The following TAFA2 variants were observed in gnomAD, a reference collection of about 807,000 sequenced individuals.
TAFA2 encodes the protein TAFA chemokine like family member 2.
Under a neutral mutation model 18.8 loss-of-function variants are expected in TAFA2, and 7 were observed. That is an observed-to-expected ratio of 0.37 (90% confidence interval 0.21 to 0.70). The LOEUF (loss-of-function observed/expected upper bound fraction) is 0.70. TAFA2 is among the 30% of genes least tolerant of loss of function. The probability of loss-of-function intolerance (pLI) is 0.53; values close to 1 mark genes in which losing one functional copy is unlikely to be tolerated. For synonymous variants in TAFA2, 60 were observed against 54.2 expected, an observed-to-expected ratio of 1.11 and a Z score of -0.47; for missense variants, 122 against 158.1, an observed-to-expected ratio of 0.77 and a Z score of 1.23.
chr12:61,766,920 C>T (rs1168632787), intron 2 of TAFA2, among the ~76,000 whole-genome samples: 1 of 152,008 alleles, frequency 6.6e-6, no homozygotes, highest in Non-Finnish European at 1.5e-5. Context: ...GAGAGATAAA[C>T]CCTGGATGGG....
At chr12:61,751,767 C>A (rs1869026431) in intron 4 of TAFA2, among the ~76,000 whole-genome samples, 1 of 152,088 alleles carries the variant, frequency 6.6e-6, no homozygotes. Flanking sequence ...TGTTTCATTA[C>A]ATTTGGAAGA....
chr12:61,804,407 T>A (rs2120982342), intron 2 of TAFA2, among the ~76,000 whole-genome samples: 1 of 152,134 alleles, frequency 6.6e-6, no homozygotes, highest in Admixed American at 6.5e-5. Context: ...CAAGGAGACT[T>A]GAATTAGCTC....
intron 4 of TAFA2, among the ~76,000 whole-genome samples, chr12:61,724,964 T>G (rs1870091449): frequency 6.6e-6 from 1 of 151,972 alleles, no homozygotes; most frequent in African/African-American, 2.4e-5. Context: ...TTTCACCACA[T>G]CCATACCAAT....
intron 1 of TAFA2, among the ~76,000 whole-genome samples, chr12:62,058,195 T>C (rs970661393): frequency 1.3e-5 from 2 of 152,220 alleles, no homozygotes; most frequent in Non-Finnish European, 2.9e-5. Flanking sequence ...CTGTCTTTAC[T>C]GTGGAGCTGA....
At position 62,065,739 on chromosome 12, in the gene TAFA2, T is replaced by G. The variant is rs536669849; in HGVS notation, c.-2+125520A>C. Among the ~76,000 whole-genome samples the G allele has an allele frequency of 3.3e-5, 5 of 150,452 alleles. No homozygotes were observed. In the East Asian group the frequency reaches 1.0e-3, roughly 30 times the overall value. Reference sequence around the variant, plus strand: ...TGTGTTGTGTGTGTGTGTTTACTGATTAGTAGGGGTAGAACTAAAACTGAG... The same window carrying G: ...TGTGTTGTGTGTGTGTGTTTACTGAGTAGTAGGGGTAGAACTAAAACTGAG... On this transcript the variant is annotated intron_variant, in intron 1 of 4. Coordinates refer to ENST00000416284, the MANE Select transcript of TAFA2 (RefSeq NM_178539.5).
At position 61,857,192 on chromosome 12, in the gene TAFA2, TAA is replaced by T. The variant is rs201906407; in HGVS notation, c.106+10126_106+10127del. 9.6e-3 allele frequency among the ~76,000 whole-genome samples: 1,303 copies of T among 135,230 alleles called. 11 individuals carry two copies. The highest frequency in any genetic ancestry group is 0.031 in the African/African-American group (1,223 of 39,944). The allele number at this position is 135,230 out of a possible 152,430, so 88.7% of individuals were successfully genotyped here. The stretch of plus-strand genomic sequence containing the variant: ...ATGTAACCAAGCTTTAAGAGTTATA[TAA>T]GAGTCTCAAATTAATAATAGAAACA... On this transcript the variant is annotated intron_variant, in intron 2 of 4. Transcript: ENST00000416284.
At chr12:61,998,265 TCA>T (rs1286652361) in intron 1 of TAFA2, among the ~76,000 whole-genome samples, 7 of 152,180 alleles carry the variant, frequency 4.6e-5, no homozygotes, top group Admixed American at 2.6e-4. Flanking sequence ...AATTACATCT[TCA>T]CAGATTTCTT....
In TAFA2 at chr12:62,041,194, A is replaced by G. The variant is rs150313793; in HGVS notation, c.-2+150065T>C. Among the ~76,000 whole-genome samples the G allele has an allele frequency of 6.0e-4, 91 of 152,308 alleles. 1 individual carries two copies. Among genetic ancestry groups the G allele is most frequent in the African/African-American group, 2.1e-3 (89 of 41,576 alleles). Reference sequence around the variant, plus strand: ...TGATTTAACTGTTTTCTTATGTAATATCTACAATCTTCTGAGGGAGGTGTC... The same window carrying G: ...TGATTTAACTGTTTTCTTATGTAATGTCTACAATCTTCTGAGGGAGGTGTC... On this transcript the variant is annotated intron_variant, in intron 1 of 4. Coordinates refer to ENST00000416284, the MANE Select transcript of TAFA2 (RefSeq NM_178539.5).
At chr12:62,249,424 G>C (rs572610032) in intron 1 of TAFA2, among the ~76,000 whole-genome samples, 2 of 152,214 alleles carry the variant, frequency 1.3e-5, no homozygotes, top group East Asian at 1.9e-4. Context: ...AGAATAGCTT[G>C]ATGCCATCCT....
At chr12:62,000,465 A>G (rs1313062849) in intron 1 of TAFA2, among the ~76,000 whole-genome samples, 1 of 146,416 alleles carries the variant, frequency 6.8e-6, no homozygotes, top group Non-Finnish European at 1.5e-5. Context: ...TTGTTACACC[A>G]GTATTGGAAA....
At chr12:62,222,399 A>T (rs1311095518) in intron 1 of TAFA2, among the ~76,000 whole-genome samples, 1 of 152,186 alleles carries the variant, frequency 6.6e-6, no homozygotes, top group Admixed American at 6.5e-5. Flanking sequence ...TTAATGATAG[A>T]CTTTTTTAAA....
chr12:61,719,792 T>G (rs1189221770), intron 4 of TAFA2, among the ~76,000 whole-genome samples: 4 of 152,174 alleles, frequency 2.6e-5, no homozygotes, highest in Admixed American at 6.6e-5. Flanking sequence ...AAGGACTTGA[T>G]GTAACCTGTG....
chr12:61,895,450 C>T (rs913312399), intron 1 of TAFA2, among the ~76,000 whole-genome samples: 1 of 152,104 alleles, frequency 6.6e-6, no homozygotes, highest in East Asian at 1.9e-4. Context: ...AACAGTTCTC[C>T]CAAGTATTAA....
At chr12:62,247,199 T>G (rs1175277552) in intron 1 of TAFA2, among the ~76,000 whole-genome samples, 1 of 152,210 alleles carries the variant, frequency 6.6e-6, no homozygotes, top group Non-Finnish European at 1.5e-5. Context: ...CTTAAATTTT[T>G]AACATGCTTG....
At chr12:62,227,883 G>A (rs368587637) in intron 1 of TAFA2, among the ~76,000 whole-genome samples, 12 of 152,102 alleles carry the variant, frequency 7.9e-5, no homozygotes, top group Admixed American at 7.2e-4. Flanking sequence ...CCCAATGTAC[G>A]TTCTTGGTGC....
intron 1 of TAFA2, among the ~76,000 whole-genome samples, chr12:61,991,013 A>C (rs1430020003): frequency 6.6e-6 from 1 of 152,208 alleles, no homozygotes; most frequent in Non-Finnish European, 1.5e-5. Flanking sequence ...TTAACTGTGC[A>C]TGGGGCTAAA....
intron 1 of TAFA2, among the ~76,000 whole-genome samples, chr12:62,246,103 C>T (rs2062884786): frequency 6.6e-6 from 1 of 151,944 alleles, no homozygotes; most frequent in South Asian, 2.1e-4. Context: ...TCTCCCGCCT[C>T]AGGCTCCCAA....
At position 61,857,145 on chromosome 12, in the gene TAFA2, G is replaced by A. The variant is rs1470563843; in HGVS notation, c.106+10175C>T. Among the ~76,000 whole-genome samples, 5 of 151,628 alleles carry A rather than the reference G, an allele frequency of 3.3e-5. No individual in the cohort carries two copies. In the East Asian group the frequency reaches 9.7e-4, roughly 29 times the overall value. On this transcript the variant is annotated intron_variant, in intron 2 of 4. Transcript: ENST00000416284. ...TTGTTTTAAACATTACATTTGAAAA[G>A]GATATAACTGAAAATATACAAATGT...
At chr12:61,796,244 A>T (rs1871184452) in intron 2 of TAFA2, among the ~76,000 whole-genome samples, 1 of 152,196 alleles carries the variant, frequency 6.6e-6, no homozygotes, top group South Asian at 2.1e-4. Context: ...ACATGCACAT[A>T]CACATTTTAA....
Sources: gnomAD v4.1 joint callset for allele counts (sites outside exome capture counted in the v4.1 genomes callset) on GRCh38, gnomAD v4.1.1 for gene constraint, MANE v1.5 for transcripts, NCBI Gene and HGNC (gene_info 2026-07-23, HGNC 2026-07-21) for gene names.